XPR1: variants seen among roughly 807,000 people sequenced by gnomAD.
XPR1 encodes the protein xenotropic and polytropic retrovirus receptor 1.
A neutral mutation model predicts 87.5 loss-of-function variants in XPR1; 28 were observed. That is an observed-to-expected ratio of 0.32 (90% CI 0.24 to 0.44). The LOEUF (loss-of-function observed/expected upper bound fraction) is 0.44. Among genes scored for constraint, XPR1 ranks in the 20% least tolerant of loss-of-function variants. The probability of loss-of-function intolerance (pLI) is 1.00; values close to 1 mark genes in which losing one functional copy is unlikely to be tolerated. For synonymous variants in XPR1, 300 were observed against 306.1 expected, an observed-to-expected ratio of 0.98 and a Z score of 0.21; for missense variants, 559 against 862.3, an observed-to-expected ratio of 0.65 and a Z score of 4.41.
chr1:180,820,773 A>G (rs1319096775), intron 7 of XPR1, among the ~76,000 whole-genome samples: 1 of 152,128 alleles, frequency 6.6e-6, no homozygotes, highest in Non-Finnish European at 1.5e-5. Context: ...ATGGGCGTGA[A>G]GTGGTATCTC....
chr1:180,760,150 C>T (rs1647953389), intron 2 of XPR1, among the ~76,000 whole-genome samples: 3 of 152,132 alleles, frequency 2.0e-5, no homozygotes. Flanking sequence ...TACCCACAGC[C>T]AATATCATAC....
At chr1:180,878,306 C>T (rs6659049) in intron 13 of XPR1, 39,947 of 152,022 alleles carry the variant, frequency 0.26, 5,726 homozygotes, top group East Asian at 0.54. Flanking sequence ...TTTAGATCAG[C>T]TTTCTCTCTC....
At chr1:180,829,475 G>A (rs560607230) in intron 9 of XPR1, among the ~76,000 whole-genome samples, 1 of 152,332 alleles carries the variant, frequency 6.6e-6, no homozygotes, top group East Asian at 1.9e-4. Flanking sequence ...TTGACTGTGT[G>A]TAAATGTCAG....
chr1:180,749,149 G>C (rs1557988212), intron 2 of XPR1, among the ~76,000 whole-genome samples: 1 of 152,226 alleles, frequency 6.6e-6, no homozygotes, highest in Non-Finnish European at 1.5e-5. Context: ...AGTGAGCTAT[G>C]ACTGCATCAC....
intron 2 of XPR1, among the ~76,000 whole-genome samples, chr1:180,769,373 T>G (rs1009455023): frequency 2.3e-4 from 30 of 132,192 alleles, no homozygotes; most frequent in African/African-American, 8.4e-4. Context: ...TTTTTTTGTG[T>G]TTTTTTTTTT....
chr1:180,632,700 C>T (rs1211423322), intron 1 of XPR1, among the ~76,000 whole-genome samples: 3 of 152,244 alleles, frequency 2.0e-5, no homozygotes, highest in African/African-American at 7.2e-5. Context: ...GGTCTTGTTT[C>T]TCTCTCTACA....
rs1655488300 is a variant in XPR1, at chr1:180,656,435, T to TATATATAA, written c.69+24165_69+24166insATATATAA. On this transcript the variant is annotated intron_variant, in intron 1 of 14. Coordinates refer to ENST00000367590, the MANE Select transcript of XPR1 (RefSeq NM_004736.4). ...TATTTATATATAAATATTTATATAT[T>TATATATAA]TATATATAAATATTTATATATTTAT... Among the ~76,000 whole-genome samples the TATATATAA allele has an allele frequency of 2.6e-3, 26 of 10,020 alleles. 2 individuals are homozygous for TATATATAA. The highest frequency in any genetic ancestry group is 4.7e-3 in the East Asian group (2 of 428). The allele number at this position is 10,020 out of a possible 152,430, so 6.6% of individuals were successfully genotyped here.
intron 2 of XPR1, among the ~76,000 whole-genome samples, chr1:180,738,588 A>G (rs956264781): frequency 6.6e-6 from 1 of 152,206 alleles, no homozygotes; most frequent in Non-Finnish European, 1.5e-5. Context: ...TTATGTAACC[A>G]TCACAATCTT....
chr1:180,823,375 T>C (rs1650710117), intron 7 of XPR1, among the ~76,000 whole-genome samples: 1 of 152,198 alleles, frequency 6.6e-6, no homozygotes, highest in Non-Finnish European at 1.5e-5. Context: ...ACGAAATATG[T>C]TGATTCAGTG....
At chr1:180,680,340 A>ATAAC (rs1484264428) in intron 1 of XPR1, among the ~76,000 whole-genome samples, 1 of 151,242 alleles carries the variant, frequency 6.6e-6, no homozygotes, top group Non-Finnish European at 1.5e-5. Flanking sequence ...GATTCCTCAA[A>ATAAC]TAACTACAAA....
chr1:180,636,978 G>GGA (rs1654798306), intron 1 of XPR1, among the ~76,000 whole-genome samples: 1 of 151,402 alleles, frequency 6.6e-6, no homozygotes, highest in African/African-American at 2.4e-5. Flanking sequence ...ATTGAACCGG[G>GGA]GAGGCGGAGG....
intron 11 of XPR1, among the ~76,000 whole-genome samples, chr1:180,837,850 TG>T (rs1651356774): frequency 6.6e-6 from 1 of 152,204 alleles, no homozygotes; most frequent in African/African-American, 2.4e-5. Context: ...ATTTATAAAT[TG>T]GGCAACTGAT....
At chr1:180,822,419 G>A (rs866452448) in intron 7 of XPR1, among the ~76,000 whole-genome samples, 1 of 152,206 alleles carries the variant, frequency 6.6e-6, no homozygotes, top group Middle Eastern at 3.4e-3. Context: ...TTCCCTGACC[G>A]CCCTACCTAA....
intron 12 of XPR1, among the ~76,000 whole-genome samples, chr1:180,864,999 C>T (rs748715582): frequency 2.6e-4 from 40 of 151,494 alleles, no homozygotes; most frequent in Admixed American, 1.0e-3. Flanking sequence ...ACATTTTCTA[C>T]TCTATCAGCA....
chr1:180,661,574 C>G (rs1245389667), intron 1 of XPR1, among the ~76,000 whole-genome samples: 1 of 151,266 alleles, frequency 6.6e-6, no homozygotes, highest in Non-Finnish European at 1.5e-5. Context: ...TCTAATAACT[C>G]ATTATTTTAA....
chr1:180,632,501 A>AGGGCCGGGAGGAAAGGCGC (rs1463473103), intron 1 of XPR1, among the ~76,000 whole-genome samples: 2 of 151,658 alleles, frequency 1.3e-5, no homozygotes, highest in African/African-American at 2.4e-5. Flanking sequence ...ATGCAGGCGG[A>AGGGCCGGGAGGAAAGGCGC]GGGCCGGGAG....
At chr1:180,709,966 C>T (rs569689955) in intron 2 of XPR1, among the ~76,000 whole-genome samples, 2 of 151,006 alleles carry the variant, frequency 1.3e-5, no homozygotes, top group East Asian at 3.9e-4. Context: ...AGTGCAATAG[C>T]GTGATCTCAG....
intron 2 of XPR1, among the ~76,000 whole-genome samples, chr1:180,698,086 T>G (rs1035642560): frequency 1.4e-4 from 22 of 152,154 alleles, no homozygotes; most frequent in African/African-American, 5.3e-4. Context: ...TCTTTAGATC[T>G]AGCATTTGCC....
intron 2 of XPR1, among the ~76,000 whole-genome samples, chr1:180,696,226 A>T (rs909169785): frequency 5.7e-5 from 8 of 141,282 alleles, no homozygotes; most frequent in Non-Finnish European, 1.2e-4. Flanking sequence ...ATATATATAT[A>T]TATATTATGG....
Sources: allele counts gnomAD v4.1 joint callset (sites outside exome capture counted in the v4.1 genomes callset), GRCh38; gene constraint gnomAD v4.1.1; transcripts MANE v1.5; gene names NCBI Gene and HGNC (gene_info 2026-07-23, HGNC 2026-07-21).